NOXRED1: variants seen among roughly 807,000 people sequenced by gnomAD.
The protein encoded by NOXRED1 is NADP dependent oxidoreductase domain containing 1.
In NOXRED1, 20 loss-of-function variants were observed where a neutral mutation model predicts 30.4. The observed-to-expected ratio is 0.66, with a 90% confidence interval of 0.46 to 0.96. The LOEUF (loss-of-function observed/expected upper bound fraction) is 0.96, where lower values mean the gene tolerates loss of function less well. Ranked by LOEUF, NOXRED1 falls within the 40% of genes least tolerant of loss-of-function variation. The pLI is 0.00. For synonymous variants in NOXRED1, 155 were observed against 168.0 expected (o/e 0.92, Z 0.60); for missense variants, 374 against 428.0 (o/e 0.87, Z 1.11).
intron 5 of NOXRED1, among the ~76,000 whole-genome samples, chr14:77,404,799 ATAAT>A (rs1894414119): frequency 6.6e-6 from 1 of 152,170 alleles, no homozygotes; most frequent in Admixed American, 6.5e-5. Context: ...GGCATGTTCA[ATAAT>A]TAAGGAAGAA....
intron 2 of NOXRED1, among the ~76,000 whole-genome samples, chr14:77,413,440 T>C (rs1031269755): frequency 2.6e-5 from 4 of 152,136 alleles, no homozygotes; most frequent in Non-Finnish European, 5.9e-5. Flanking sequence ...GGTTTCACTA[T>C]GTTGGCCAGG....
intron 5 of NOXRED1, among the ~76,000 whole-genome samples, chr14:77,403,659 A>G (rs2139671263): frequency 6.6e-6 from 1 of 152,278 alleles, no homozygotes; most frequent in South Asian, 2.1e-4. Context: ...CCCTCTATCA[A>G]AAAAATAAAA....
intron 5 of NOXRED1, among the ~76,000 whole-genome samples, chr14:77,402,346 C>A (rs1894350364): frequency 1.3e-5 from 2 of 152,228 alleles, no homozygotes; most frequent in South Asian, 4.1e-4. Context: ...ACAATAGGAG[C>A]CGGGCGCCAT....
At chr14:77,402,774 T>C (rs1057042342) in intron 5 of NOXRED1, among the ~76,000 whole-genome samples, 4 of 151,854 alleles carry the variant, frequency 2.6e-5, no homozygotes, top group Non-Finnish European at 4.4e-5. Context: ...TGGTGGTTCA[T>C]GCCTGTAATC....
intron 3 of NOXRED1, 98 bp downstream of exon 3, chr14:77,407,367 C>CTAA: frequency 1.2e-6 from 1 of 855,824 alleles, no homozygotes; most frequent in East Asian, 2.4e-5. Flanking sequence ...AAACAACCAA[C>CTAA]TCTAAGAGAT....
At chr14:77,423,714 A>T (rs765291271), upstream of NOXRED1, among the ~76,000 whole-genome samples, 1 of 152,140 alleles carries the variant, frequency 6.6e-6, no homozygotes, top group Non-Finnish European at 1.5e-5. Flanking sequence ...CCTTTTCCCA[A>T]CAGAAGATTC....
At chr14:77,413,544 A>AT (rs1209395653) in intron 2 of NOXRED1, among the ~76,000 whole-genome samples, 1 of 152,010 alleles carries the variant, frequency 6.6e-6, no homozygotes, top group Non-Finnish European at 1.5e-5. Flanking sequence ...ACCACAAAAC[A>AT]TTTTTTTAAA....
intron 1 of NOXRED1, among the ~76,000 whole-genome samples, chr14:77,417,776 C>G (rs767789802): frequency 6.6e-6 from 1 of 152,092 alleles, no homozygotes; most frequent in Non-Finnish European, 1.5e-5. Context: ...AATCCACTTA[C>G]ATTTAAAATA....
At chr14:77,422,343 C>A (rs1895018165) in intron 1 of NOXRED1, among the ~76,000 whole-genome samples, 1 of 152,160 alleles carries the variant, frequency 6.6e-6, no homozygotes, top group Non-Finnish European at 1.5e-5. Flanking sequence ...TGTAAGGGAG[C>A]ATTCCACTAT....
chr14:77,421,547 A>G (rs1894991759), intron 1 of NOXRED1, among the ~76,000 whole-genome samples: 1 of 152,240 alleles, frequency 6.6e-6, no homozygotes, highest in Non-Finnish European at 1.5e-5. Flanking sequence ...TAAATGGTTT[A>G]TAAAAACAAA....
rs761547029 is a variant in NOXRED1 at position 77,406,841 on chromosome 14, G to A, written c.565C>T (p.Arg189Trp). ...KLLLNHTNIL[R>W]PQYQYDEDSV... ...TCTTCATCATACTGATACTGAGGCCGCAAGATATTGGTGTGGTTCAACAGT... is the reference window on the plus strand; with the variant it reads ...TCTTCATCATACTGATACTGAGGCCACAAGATATTGGTGTGGTTCAACAGT... Residue 189 changes from arginine to tryptophan, a missense_variant, in exon 4 of 6, where the codon CGG (arginine) becomes TGG (tryptophan). Coordinates refer to ENST00000380835, the MANE Select transcript of NOXRED1 (RefSeq NM_001113475.3). The A allele has an allele frequency of 1.5e-5, 24 of 1,613,786 alleles. No individual in the cohort carries two copies. Among genetic ancestry groups the A allele is most frequent in the South Asian group, 4.4e-5 (4 of 91,064 alleles).
At chr14:77,414,346 A>T (rs1342080036) in intron 1 of NOXRED1, among the ~76,000 whole-genome samples, 2 of 151,744 alleles carry the variant, frequency 1.3e-5, no homozygotes, top group African/African-American at 4.8e-5. Context: ...CTCCCGGCTA[A>T]TTTTTTGTAT....
rs373242043 is a variant in NOXRED1, at chr14:77,412,764, C to T, written c.349+1170G>A. The stretch of plus-strand genomic sequence containing the variant: ...CTGACCTCAGGTGATCTGCCCACCT[C>T]GGCCTCCCAAAGTACTGGGATTACA... On this transcript the variant is annotated intron_variant, in intron 2 of 5. Transcript: ENST00000380835. Among the ~76,000 whole-genome samples the T allele has an allele frequency of 3.8e-4, 58 of 152,180 alleles. No homozygotes were observed. The South Asian group carries it at 8.1e-3, about 21-fold the overall frequency.
intron 5 of NOXRED1, among the ~76,000 whole-genome samples, chr14:77,405,434 C>T (rs4903582): frequency 0.12 from 18,141 of 152,042 alleles, 1,411 homozygotes; most frequent in Admixed American, 0.21. Flanking sequence ...CAAAGCAGCC[C>T]GTAATGCAAA....
chr14:77,402,074 G>A (rs1017079875), intron 5 of NOXRED1, among the ~76,000 whole-genome samples: 2 of 152,138 alleles, frequency 1.3e-5, no homozygotes, highest in South Asian at 2.1e-4. Flanking sequence ...AAAACTCCTG[G>A]AAGATAACAT....
At chr14:77,420,867 A>C (rs1056746395) in intron 1 of NOXRED1, among the ~76,000 whole-genome samples, 2 of 152,126 alleles carry the variant, frequency 1.3e-5, no homozygotes, top group African/African-American at 4.8e-5. Context: ...TCTGGGCTTG[A>C]GTTTGGAATT....
chr14:77,423,064 A>G lies in NOXRED1; in HGVS notation c.-175T>C. On this transcript the variant is annotated 5_prime_UTR_variant, in exon 1 of 6. Transcript: ENST00000380835. ...CTCCCAGATTCTGAATTTGGAATTC[A>G]CCTCTCTTGAATTCACACTCTAGAG... 5 of 582,266 alleles carry G rather than the reference A, an allele frequency of 8.6e-6. No homozygotes were observed. The South Asian group carries it at 8.8e-5, about 10-fold the overall frequency. 36.1% of individuals were successfully genotyped at this position (582,266 alleles called of 1,614,324 possible).
At chr14:77,423,738 G>GT (rs201374009), upstream of NOXRED1, among the ~76,000 whole-genome samples, 1,018 of 151,876 alleles carry the variant, frequency 6.7e-3, 11 homozygotes, top group African/African-American at 0.023. Context: ...ATTTCTAGGG[G>GT]TTTTTTTTGC....
At position 77,406,863 on chromosome 14, in the gene NOXRED1, C is replaced by T; in HGVS notation, c.543G>A (p.Leu181=). The part of the protein sequence containing the change: ...AAIPLPRLKL[L]LNHTNILRPQ... ...GCCGCAAGATATTGGTGTGGTTCAA[C>T]AGTAGTTTCAGCCTGGAAGTAAAGC... The change falls in exon 4 of 6, where the codon CTG becomes CTA. Residue 181 remains leucine, a synonymous_variant. Coordinates refer to ENST00000380835, the MANE Select transcript of NOXRED1 (RefSeq NM_001113475.3). The T allele has an allele frequency of 6.2e-7, 1 of 1,613,722 alleles. No individual in the cohort carries two copies. The highest frequency in any genetic ancestry group is 8.5e-7 in the Non-Finnish European group (1 of 1,179,840).
Sources: allele counts gnomAD v4.1 joint callset (sites outside exome capture counted in the v4.1 genomes callset), GRCh38; gene constraint gnomAD v4.1.1; transcripts MANE v1.5; gene names NCBI Gene and HGNC (gene_info 2026-07-23, HGNC 2026-07-21).